The following SORL1 variants were observed in gnomAD, a reference collection of about 807,000 sequenced individuals.
SORL1 encodes the protein sortilin-related receptor.
SORL1 carries 127 observed loss-of-function variants against 273.7 expected under a neutral mutation model. That is an observed-to-expected ratio of 0.46 (90% confidence interval 0.40 to 0.54). The LOEUF (loss-of-function observed/expected upper bound fraction) is 0.54, where lower values mean the gene tolerates loss of function less well. Among genes scored for constraint, SORL1 ranks in the 20% least tolerant of loss-of-function variants. SORL1 has a pLI of 0.00. For synonymous variants in SORL1, 1,031 were observed against 1,067.4 expected, an observed-to-expected ratio of 0.97 and a Z score of 0.66; for missense variants, 2,494 against 2,846.1, an observed-to-expected ratio of 0.88 and a Z score of 2.81.
intron 27 of SORL1, among the ~76,000 whole-genome samples, chr11:121,587,643 C>A (rs1429074914): frequency 3.3e-5 from 5 of 152,130 alleles, no homozygotes; most frequent in Non-Finnish European, 5.9e-5. Context: ...ATTTGCCTAC[C>A]CCCGTATTAG....
At position 121,543,552 on chromosome 11, in the gene SORL1, A is replaced by G. The variant is rs1862378815; in HGVS notation, c.1690A>G (p.Ser564Gly). ...QGMETNELKY[S>G]TNEGETWKTF... ...CTCTTACTTGCATTTGGGCAGATAC[A>G]GTACCAATGAAGGGGAGACCTGGAA... is the stretch of plus-strand genomic sequence containing the variant. The change falls in exon 13 of 48, where the codon AGT becomes GGT. Residue 564 changes from serine to glycine, a missense_variant. Physicochemically the swap from Ser to Gly is moderately conservative, Grantham distance 56. Around this residue, in one of 3 missense-constraint regions of SORL1, gnomAD observed 710 missense variants for 882.5 expected, o/e 0.80. Coordinates refer to ENST00000260197, the MANE Select transcript of SORL1 (RefSeq NM_003105.6). 1.2e-6 allele frequency: 2 copies of G among 1,613,242 alleles called. No homozygotes were observed. The highest frequency in any genetic ancestry group is 1.7e-5 in the Admixed American group (1 of 59,988).
chr11:121,475,346 G>A (rs1424420693), intron 2 of SORL1, among the ~76,000 whole-genome samples: 1 of 152,182 alleles, frequency 6.6e-6, no homozygotes, highest in Non-Finnish European at 1.5e-5. Flanking sequence ...CTGGCCAAGG[G>A]AAGGAAAGTT....
intron 5 of SORL1, among the ~76,000 whole-genome samples, chr11:121,491,338 A>T (rs1391166878): frequency 6.6e-6 from 1 of 152,232 alleles, no homozygotes; most frequent in Admixed American, 6.5e-5. Context: ...TAATATACTT[A>T]TCGTAATTTA....
intron 6 of SORL1, among the ~76,000 whole-genome samples, chr11:121,511,001 A>G (rs1199597756): frequency 6.6e-6 from 1 of 152,154 alleles, no homozygotes; most frequent in African/African-American, 2.4e-5. Context: ...ATTAAGAAAA[A>G]TCTCAGAGCC....
intron 1 of SORL1, among the ~76,000 whole-genome samples, chr11:121,462,971 G>A (rs888180927): frequency 6.6e-6 from 1 of 152,222 alleles, no homozygotes; most frequent in African/African-American, 2.4e-5. Flanking sequence ...TGGTGAAGCT[G>A]CAGAGGGCAA....
chr11:121,566,006 G>A (rs557447364), intron 21 of SORL1, among the ~76,000 whole-genome samples: 3 of 152,324 alleles, frequency 2.0e-5, no homozygotes, highest in East Asian at 1.9e-4. Context: ...CTCTTGAGGG[G>A]CACTCTGGCA....
In SORL1 at chr11:121,506,703, T is replaced by A. The variant is rs568722024; in HGVS notation, c.940-6300T>A. On this transcript the variant is annotated intron_variant, in intron 6 of 47. Transcript: ENST00000260197. ...GTTTCAATCTATTTGTATCTTTGAA[T>A]CCTTGTAAATAGCATATGGTTGTGT... Among the ~76,000 whole-genome samples, 11 of 152,360 alleles carry A rather than the reference T, an allele frequency of 7.2e-5. No homozygotes were observed. The East Asian group carries it at 2.1e-3, about 29-fold the overall frequency.
chr11:121,454,949 G>T (rs897084347), intron 1 of SORL1, among the ~76,000 whole-genome samples: 6 of 152,166 alleles, frequency 3.9e-5, no homozygotes, highest in African/African-American at 1.4e-4. Flanking sequence ...ACTCTCAAAA[G>T]TGTCAAGATG....
intron 11 of SORL1, among the ~76,000 whole-genome samples, chr11:121,529,818 T>C (rs1348261083): frequency 6.6e-6 from 1 of 152,224 alleles, no homozygotes. Flanking sequence ...TAATTATTGA[T>C]GTATTTGAAT....
At chr11:121,508,103 T>C (rs76372631) in intron 6 of SORL1, among the ~76,000 whole-genome samples, 145 of 152,380 alleles carry the variant, frequency 9.5e-4, no homozygotes, top group African/African-American at 3.3e-3. Flanking sequence ...TTTGAACCAC[T>C]AAGTCTCTCA....
intron 41 of SORL1, among the ~76,000 whole-genome samples, chr11:121,616,477 C>G (rs957687055): frequency 6.6e-6 from 1 of 152,146 alleles, no homozygotes; most frequent in Admixed American, 6.6e-5. Flanking sequence ...CTCTGTGGAC[C>G]CCTTTCCTCT....
intron 32 of SORL1, among the ~76,000 whole-genome samples, chr11:121,600,013 AT>A (rs1244797901): frequency 1.2e-4 from 19 of 152,192 alleles, no homozygotes; most frequent in Non-Finnish European, 2.8e-4. Flanking sequence ...TTACAAAGTC[AT>A]TAATGACCAG....
intron 26 of SORL1, among the ~76,000 whole-genome samples, chr11:121,584,408 A>G (rs1863061782): frequency 6.6e-6 from 1 of 152,116 alleles, no homozygotes. Flanking sequence ...AGTGACATTA[A>G]CCATTTCTCC....
At chr11:121,585,503 A>C (rs958735328) in intron 26 of SORL1, among the ~76,000 whole-genome samples, 1 of 122,562 alleles carries the variant, frequency 8.2e-6, no homozygotes, top group African/African-American at 3.9e-5. Context: ...ATGTATATAC[A>C]CACACACACA....
intron 21 of SORL1, among the ~76,000 whole-genome samples, chr11:121,562,928 A>G (rs1862700151): frequency 6.6e-6 from 1 of 152,204 alleles, no homozygotes; most frequent in East Asian, 1.9e-4. Flanking sequence ...GGGTTTTGGA[A>G]TAAGAGGGGA....
intron 9 of SORL1, among the ~76,000 whole-genome samples, chr11:121,521,162 G>A (rs1386750204): frequency 6.6e-6 from 1 of 152,066 alleles, no homozygotes; most frequent in African/African-American, 2.4e-5. Flanking sequence ...TGTCCATGGT[G>A]GGCTATGTGG....
chr11:121,534,365 C>T (rs921190385), intron 12 of SORL1, among the ~76,000 whole-genome samples: 8 of 152,150 alleles, frequency 5.3e-5, no homozygotes, highest in African/African-American at 9.7e-5. Context: ...TCATTCTGCA[C>T]GAGCTGGAGC....
In SORL1 at chr11:121,619,880, A is replaced by T. The variant is rs200590044; in HGVS notation, c.5852A>T (p.Lys1951Met). 6.2e-7 allele frequency: 1 copy of T among 1,613,506 alleles called. No individual in the cohort carries two copies. Among genetic ancestry groups the T allele is most frequent in the East Asian group, 2.2e-5 (1 of 44,860 alleles). The change falls in exon 43 of 48, where the codon AAG becomes ATG. Residue 1951 changes from lysine to methionine, a missense_variant. Transcript: ENST00000260197. ...ACGGGCAAAACCTCCGTGGTCATCA[A>T]GTGGGAATCACCGTATGACTCTCCT... ...VHTGKTSVVI[K>M]WESPYDSPDQ...
intron 12 of SORL1, among the ~76,000 whole-genome samples, chr11:121,536,746 G>C (rs1381588601): frequency 6.6e-6 from 1 of 152,024 alleles, no homozygotes; most frequent in Non-Finnish European, 1.5e-5. Context: ...GAGAAACGGA[G>C]TTGCAGTGCA....
Sources: gnomAD v4.1 joint callset for allele counts (sites outside exome capture counted in the v4.1 genomes callset) on GRCh38, gnomAD v4.1.1 for gene constraint, gnomAD v4.1.1 regional missense constraint, MANE v1.5 for transcripts, NCBI Gene and HGNC (gene_info 2026-07-23, HGNC 2026-07-21) for gene names.